Variants in F2RL2 observed in about 807,000 individuals in gnomAD.
The protein encoded by F2RL2 is coagulation factor II thrombin receptor like 2.
In F2RL2, 4 loss-of-function variants were observed where a neutral mutation model predicts 4.3. That is an observed-to-expected ratio of 0.93 (90% confidence interval 0.46 to 2.12). The LOEUF is 2.12. Among genes scored for constraint, F2RL2 ranks in the 30% most tolerant of loss-of-function variants. The pLI is 0.02. For missense variants in F2RL2, 408 were observed against 449.3 expected, an observed-to-expected ratio of 0.91 and a Z score of 0.83; for synonymous variants, 166 against 170.9, an observed-to-expected ratio of 0.97 and a Z score of 0.22.
chr5:76,619,720 A>G (rs373722446), intron 1 of F2RL2, among the ~76,000 whole-genome samples: 154 of 151,994 alleles, frequency 1.0e-3, no homozygotes, highest in South Asian at 1.5e-3. Context: ...GGGTTTCACC[A>G]TGTTAGCCAG....
rs770425741 is a variant in F2RL2, at chr5:76,617,948, C to T, written c.759G>A (p.Glu253=). The T allele has an allele frequency of 1.2e-6, 2 of 1,614,120 alleles. No homozygotes were observed. The highest frequency in any genetic ancestry group is 1.7e-6 in the Non-Finnish European group (2 of 1,180,026). The change falls in exon 2 of 2, where the codon GAG becomes GAA. Residue 253 remains glutamate (E), a synonymous_variant. Coordinates refer to ENST00000296641, the MANE Select transcript of F2RL2 (RefSeq NM_004101.4). ...AATAGAGTTGGAAGGGAGATGAGGA[C>T]TCGCAAGTGTTGTGAACATCATGGC... ...TTCHDVHNTC[E]SSSPFQLYYF...
chr5:76,622,883 A>G (rs1445751274), intron 1 of F2RL2, among the ~76,000 whole-genome samples: 1 of 152,170 alleles, frequency 6.6e-6, no homozygotes. Flanking sequence ...AAACACAAAA[A>G]CGACTTTCAA....
intron 1 of F2RL2, among the ~76,000 whole-genome samples, chr5:76,622,696 C>T (rs1230331061): frequency 6.6e-6 from 1 of 152,136 alleles, no homozygotes; most frequent in Non-Finnish European, 1.5e-5. Context: ...AAAGGTCATT[C>T]ATTTCGGAAA....
rs1270688227 is a variant in F2RL2 at position 76,617,830 on chromosome 5, C to A, written c.877G>T (p.Asp293Tyr). ...TTAACATACCACAACCATCTATGAT[C>A]GTATGCATTAAGTGTCCGGATGATG... ...AAIIRTLNAY[D>Y]HRWLWYVKAS... Residue 293 changes from aspartate to tyrosine, a missense_variant, in exon 2 of 2, where the codon GAT (aspartate) becomes TAT (tyrosine). By Grantham distance (160) the Asp-to-Tyr change is radical (BLOSUM62 -3). Coordinates refer to ENST00000296641, the MANE Select transcript of F2RL2 (RefSeq NM_004101.4). 4 of 1,613,734 alleles carry A rather than the reference C, an allele frequency of 2.5e-6. No homozygotes were observed. The highest frequency in any genetic ancestry group is 4.5e-5 in the East Asian group (2 of 44,874).
At chr5:76,623,060 T>C in intron 1 of F2RL2, 107 bp downstream of exon 1, 1 of 971,682 alleles carries the variant, frequency 1.0e-6, no homozygotes, top group Non-Finnish European at 1.6e-6. Flanking sequence ...CAAACTGCCT[T>C]TGGGGTTTAC....
Position 76,618,285 on chromosome 5 carries a change from A to G in F2RL2, c.422T>C (p.Leu141Pro). The G allele has an allele frequency of 1.2e-6, 2 of 1,614,246 alleles. No individual in the cohort carries two copies. Among genetic ancestry groups the G allele is most frequent in the Non-Finnish European group, 1.7e-6 (2 of 1,180,034 alleles). The change falls in exon 2 of 2, where the codon CTT (leucine) becomes CCT (proline). Residue 141 changes from leucine to proline, a missense_variant. Coordinates refer to ENST00000296641, the MANE Select transcript of F2RL2 (RefSeq NM_004101.4). ...FYTNLAIADF[L>P]FCVTLPFKIA... Reference sequence around the variant, plus strand: ...CTTAAAGGGCAATGTAACACAAAAAAGAAAATCTGCAATGGCCAGGTTGGT... The same window carrying G: ...CTTAAAGGGCAATGTAACACAAAAAGGAAAATCTGCAATGGCCAGGTTGGT...
At position 76,618,362 on chromosome 5, in the gene F2RL2, G is replaced by C; in HGVS notation, c.345C>G (p.Thr115=). The C allele has an allele frequency of 6.2e-7, 1 of 1,614,136 alleles. No homozygotes were observed. ...TGGTCCTGAAGAAAAGCATCCACAG[G>C]GTCACAGCATTGGCCGGGACACCAA... ...FVVGVPANAV[T]LWMLFFRTRS... is the part of the protein sequence containing the mutation. Residue 115 remains threonine (T), a synonymous_variant, in exon 2 of 2, where the codon ACC becomes ACG. Coordinates refer to ENST00000296641, the MANE Select transcript of F2RL2 (RefSeq NM_004101.4).
At chr5:76,620,358 G>A (rs986382784) in intron 1 of F2RL2, among the ~76,000 whole-genome samples, 5 of 126,504 alleles carry the variant, frequency 4.0e-5, no homozygotes, top group Admixed American at 3.7e-4. Context: ...GCGGCTTAAA[G>A]GGACTTGGTT....
chr5:76,619,958 A>G (rs1005585195), intron 1 of F2RL2, among the ~76,000 whole-genome samples: 4 of 152,188 alleles, frequency 2.6e-5, no homozygotes, highest in African/African-American at 9.7e-5. Context: ...TGAAGATGGA[A>G]GAAAGGGTCA....
chr5:76,618,402 AG>A lies in F2RL2; in HGVS notation c.304del (p.Leu102SerfsTer5). 1 of 1,614,184 alleles carries A rather than the reference AG, an allele frequency of 6.2e-7. No homozygotes were observed. Among genetic ancestry groups the A allele is most frequent in the Non-Finnish European group, 8.5e-7 (1 of 1,180,026 alleles). ...LSTKLIPAIY[L>X]LVFVVGVPAN... is the part of the protein sequence containing the mutation. Reference sequence around the variant, plus strand: ...CGGGACACCAACTACAAACACCAGGAGGTAGATGGCAGGTATCAGTTTAGTA... The same window carrying A: ...CGGGACACCAACTACAAACACCAGGAGTAGATGGCAGGTATCAGTTTAGTA... On this transcript the variant is annotated frameshift_variant, in exon 2 of 2. Coordinates refer to ENST00000296641, the MANE Select transcript of F2RL2 (RefSeq NM_004101.4). LOFTEE classifies it low-confidence loss of function (END_TRUNC).
In F2RL2 at chr5:76,618,198, G is replaced by T. The variant is rs1207519990; in HGVS notation, c.509C>A (p.Thr170Lys). 6 of 1,614,086 alleles carry T rather than the reference G, an allele frequency of 3.7e-6. No individual in the cohort carries two copies. The highest frequency in any genetic ancestry group is 1.7e-5 in the Admixed American group (1 of 60,006). ...VFGEVLCRAT[T>K]VIFYGNMYCS... is the part of the protein sequence containing the mutation. ...GTACATGTTGCCATAGAAGATGACT[G>T]TGGTGGCCCGGCACAGGACCTCTCC... is the stretch of plus-strand genomic sequence containing the variant. Residue 170 changes from threonine to lysine, a missense_variant, in exon 2 of 2, where the codon ACA becomes AAA. Physicochemically the swap from Thr to Lys is moderately conservative, Grantham distance 78. Coordinates refer to ENST00000296641, the MANE Select transcript of F2RL2 (RefSeq NM_004101.4).
rs1263852748 is a variant in F2RL2, at chr5:76,618,194, G to A, written c.513C>T (p.Val171=). 3.1e-6 allele frequency: 5 copies of A among 1,614,072 alleles called. No individual in the cohort carries two copies. Among genetic ancestry groups the A allele is most frequent in the Non-Finnish European group, 4.2e-6 (5 of 1,180,056 alleles). Residue 171 remains valine (V), a synonymous_variant, in exon 2 of 2, where the codon GTC becomes GTT. Transcript: ENST00000296641. ...AGCAGTACATGTTGCCATAGAAGAT[G>A]ACTGTGGTGGCCCGGCACAGGACCT... ...FGEVLCRATT[V]IFYGNMYCSI...
chr5:76,619,662 G>A (rs912473388), intron 1 of F2RL2, among the ~76,000 whole-genome samples: 12 of 151,736 alleles, frequency 7.9e-5, no homozygotes, highest in East Asian at 1.9e-4. Context: ...GACTACAAGC[G>A]CCCGCCACCA....
At position 76,617,474 on chromosome 5, in the gene F2RL2, G is replaced by A. The variant is rs1749092730; in HGVS notation, c.*108C>T. 2.6e-6 allele frequency: 2 copies of A among 777,110 alleles called. No individual in the cohort carries two copies. The highest frequency in any genetic ancestry group is 2.6e-5 in the Admixed American group (1 of 37,802). The allele number at this position is 777,110 out of a possible 1,614,324, so 48.1% of individuals were successfully genotyped here. A position where few individuals can be genotyped will look rare whatever the true frequency, so the allele number is the denominator to read the frequency against. ...GCTTTTGTAATGTTTGACCTTTGAA[G>A]CATATTTCTTAGGAGCTCGGAAATG... is the stretch of plus-strand genomic sequence containing the variant. On this transcript the variant is annotated 3_prime_UTR_variant, in exon 2 of 2. Transcript: ENST00000296641.
chr5:76,622,471 A>G (rs1300620515), intron 1 of F2RL2, among the ~76,000 whole-genome samples: 2 of 152,152 alleles, frequency 1.3e-5, no homozygotes, highest in African/African-American at 4.8e-5. Flanking sequence ...CACTCCTAAC[A>G]ATGTTGACTG....
intron 1 of F2RL2, among the ~76,000 whole-genome samples, chr5:76,619,931 T>C (rs1025646077): frequency 1.1e-4 from 17 of 152,246 alleles, no homozygotes; most frequent in African/African-American, 4.1e-4. Flanking sequence ...GATTTGAAGA[T>C]GCTATGCTGC....
In F2RL2 at chr5:76,623,183, G is replaced by A. The variant is rs757378637; in HGVS notation, c.48C>T (p.Pro16=). 1 of 1,614,136 alleles carries A rather than the reference G, an allele frequency of 6.2e-7. No homozygotes were observed. The highest frequency in any genetic ancestry group is 1.1e-5 in the South Asian group (1 of 91,078). Residue 16 remains proline (P), a synonymous_variant, in exon 1 of 2, where the codon CCC becomes CCT. Coordinates refer to ENST00000296641, the MANE Select transcript of F2RL2 (RefSeq NM_004101.4). ...ATTGCTTACCACTCTGACAAAAAGT[G>A]GGCAACAGAAGCAGGAGGCCAGCAG... ...FAAAGLLLLL[P]TFCQSGMEND...
Position 76,617,626 on chromosome 5 carries a change from T to G in F2RL2, c.1081A>C (p.Met361Leu). ...SCLDPFLYFL[M>L]SKTRNHSTAY... is the part of the protein sequence containing the mutation. Reference sequence around the variant, plus strand: ...GTGGAGTGATTTCTGGTTTTTGACATGAGAAAATAAAGGAATGGATCTAAG... The same window carrying G: ...GTGGAGTGATTTCTGGTTTTTGACAGGAGAAAATAAAGGAATGGATCTAAG... Residue 361 changes from methionine to leucine, a missense_variant, in exon 2 of 2, where the codon ATG becomes CTG. Transcript: ENST00000296641. 2 of 1,613,522 alleles carry G rather than the reference T, an allele frequency of 1.2e-6. No individual in the cohort carries two copies. Among genetic ancestry groups the G allele is most frequent in the South Asian group, 2.2e-5 (2 of 91,032 alleles).
intron 1 of F2RL2, among the ~76,000 whole-genome samples, chr5:76,618,962 A>G (rs1223565417): frequency 4.6e-5 from 7 of 152,226 alleles, no homozygotes; most frequent in Non-Finnish European, 1.0e-4. Context: ...TTCAGACAAT[A>G]CTTAATAGAT....
Sources: gnomAD v4.1 joint callset for allele counts (sites outside exome capture counted in the v4.1 genomes callset) on GRCh38, gnomAD v4.1.1 for gene constraint, MANE v1.5 for transcripts, NCBI Gene and HGNC (gene_info 2026-07-23, HGNC 2026-07-21) for gene names.